Variants in CHRM3 observed in about 807,000 individuals in gnomAD.
CHRM3 encodes cholinergic receptor muscarinic 3, also known as muscarinic acetylcholine receptor M3.
A neutral mutation model predicts 41.8 loss-of-function variants in CHRM3; 11 were observed. That is an observed-to-expected ratio of 0.26 (90% CI 0.17 to 0.44). The LOEUF (loss-of-function observed/expected upper bound fraction) is 0.44. CHRM3 is among the 20% of genes least tolerant of loss of function. The pLI is 1.00. For missense variants in CHRM3, 571 were observed against 745.4 expected, an observed-to-expected ratio of 0.77 and a Z score of 2.72; for synonymous variants, 297 against 301.4, an observed-to-expected ratio of 0.99 and a Z score of 0.15.
At chr1:239,866,780 C>T (rs1676146731) in intron 6 of CHRM3, among the ~76,000 whole-genome samples, 1 of 152,162 alleles carries the variant, frequency 6.6e-6, no homozygotes, top group African/African-American at 2.4e-5. Context: ...AATACTAGCT[C>T]TTCTTTTTAA....
chr1:239,497,061 TA>T (rs1277063996), intron 2 of CHRM3, among the ~76,000 whole-genome samples: 3 of 152,142 alleles, frequency 2.0e-5, no homozygotes, highest in Non-Finnish European at 4.4e-5. Context: ...TTCTGGAAAG[TA>T]AATTTAGAGA....
intron 3 of CHRM3, among the ~76,000 whole-genome samples, chr1:239,610,515 A>T (rs766553663): frequency 1.3e-5 from 2 of 152,272 alleles, no homozygotes; most frequent in South Asian, 4.1e-4. Flanking sequence ...CATGCAAAAC[A>T]TTGTAGCTGC....
chr1:239,608,377 C>T (rs1261148484), intron 3 of CHRM3, among the ~76,000 whole-genome samples: 1 of 152,178 alleles, frequency 6.6e-6, no homozygotes, highest in Non-Finnish European at 1.5e-5. Context: ...ATGTTCCCCA[C>T]ATACTTATTG....
At chr1:239,773,319 C>T (rs933902180) in intron 5 of CHRM3, among the ~76,000 whole-genome samples, 5 of 152,134 alleles carry the variant, frequency 3.3e-5, no homozygotes, top group Admixed American at 2.0e-4. Flanking sequence ...GACTTTATAG[C>T]TATATTTATC....
intron 1 of CHRM3, among the ~76,000 whole-genome samples, chr1:239,452,840 A>G (rs1012833163): frequency 6.6e-6 from 1 of 152,030 alleles, no homozygotes; most frequent in Non-Finnish European, 1.5e-5. Flanking sequence ...TTACTCTGTC[A>G]CCCAGGCTGG....
chr1:239,781,255 T>C (rs1309347646), intron 5 of CHRM3, among the ~76,000 whole-genome samples: 1 of 152,188 alleles, frequency 6.6e-6, no homozygotes. Flanking sequence ...CATCTCTCCA[T>C]TTATTTAGTT....
intron 1 of CHRM3, among the ~76,000 whole-genome samples, chr1:239,471,935 C>T (rs957225511): frequency 1.1e-4 from 17 of 152,280 alleles, no homozygotes; most frequent in South Asian, 2.1e-4. Context: ...TTATTATCCA[C>T]GTGCTGGACT....
chr1:239,721,203 GTC>G (rs1284037500), intron 5 of CHRM3, among the ~76,000 whole-genome samples: 1 of 151,852 alleles, frequency 6.6e-6, no homozygotes, highest in African/African-American at 2.4e-5. Context: ...AGAGTACAGA[GTC>G]TCTCTCTAAT....
At chr1:239,851,778 C>G (rs1674713110) in intron 6 of CHRM3, among the ~76,000 whole-genome samples, 1 of 152,056 alleles carries the variant, frequency 6.6e-6, no homozygotes, top group South Asian at 2.1e-4. Context: ...GCTTCTTTTC[C>G]ATAAAGCTAG....
chr1:239,503,108 G>A (rs1363913185), intron 2 of CHRM3, among the ~76,000 whole-genome samples: 2 of 152,076 alleles, frequency 1.3e-5, no homozygotes, highest in Non-Finnish European at 2.9e-5. Context: ...ATGGTAAAGA[G>A]GAAGTCAAAC....
intron 5 of CHRM3, among the ~76,000 whole-genome samples, chr1:239,735,682 C>T (rs1664336026): frequency 6.6e-6 from 1 of 152,074 alleles, no homozygotes; most frequent in African/African-American, 2.4e-5. Flanking sequence ...TGATCATTGC[C>T]TCTTGAGGGT....
intron 2 of CHRM3, among the ~76,000 whole-genome samples, chr1:239,511,746 A>G (rs1248415039): frequency 2.6e-5 from 4 of 152,184 alleles, no homozygotes; most frequent in African/African-American, 4.8e-5. Flanking sequence ...TTATTTTCAG[A>G]TTTACTTCTT....
At chr1:239,583,769 C>A (rs529177956) in intron 3 of CHRM3, among the ~76,000 whole-genome samples, 1 of 152,282 alleles carries the variant, frequency 6.6e-6, no homozygotes, top group South Asian at 2.1e-4. Context: ...TATTTTTTAT[C>A]ACCCAGCACA....
At chr1:239,643,774 A>G (rs563071151) in intron 4 of CHRM3, among the ~76,000 whole-genome samples, 1 of 152,294 alleles carries the variant, frequency 6.6e-6, no homozygotes, top group Non-Finnish European at 1.5e-5. Context: ...CGCTGCACCC[A>G]CTGTCCTGCG....
intron 6 of CHRM3, among the ~76,000 whole-genome samples, chr1:239,853,032 G>A (rs1409352413): frequency 6.6e-6 from 1 of 151,354 alleles, no homozygotes; most frequent in Non-Finnish European, 1.5e-5. Context: ...TACCCTTATG[G>A]GTTTTTTCTT....
chr1:239,741,894 A>C (rs959765890), intron 5 of CHRM3, among the ~76,000 whole-genome samples: 3 of 152,178 alleles, frequency 2.0e-5, no homozygotes, highest in Non-Finnish European at 4.4e-5. Context: ...CATCAACCTC[A>C]TTTCTACCTA....
chr1:239,741,619 T>G (rs1031177321), intron 5 of CHRM3, among the ~76,000 whole-genome samples: 2 of 152,138 alleles, frequency 1.3e-5, no homozygotes, highest in Admixed American at 1.3e-4. Context: ...TTTGAACAAA[T>G]AAATGAAAGG....
chr1:239,590,244 C>A (rs1238760214), intron 3 of CHRM3, among the ~76,000 whole-genome samples: 1 of 152,156 alleles, frequency 6.6e-6, no homozygotes, highest in Non-Finnish European at 1.5e-5. Context: ...GATTGAATTT[C>A]TTTCCCTCAT....
At chr1:239,830,363 T>G (rs879289174) in intron 6 of CHRM3, among the ~76,000 whole-genome samples, 2 of 152,206 alleles carry the variant, frequency 1.3e-5, no homozygotes, top group Non-Finnish European at 2.9e-5. Context: ...TTTAACATGA[T>G]GCCTTCAGGA....
Sources: allele counts gnomAD v4.1 joint callset (sites outside exome capture counted in the v4.1 genomes callset), GRCh38; gene constraint gnomAD v4.1.1; transcripts MANE v1.5; gene names NCBI Gene and HGNC (gene_info 2026-07-23, HGNC 2026-07-21).